Variants in RSRP1 observed in about 807,000 individuals in gnomAD.
RSRP1 encodes the protein arginine/serine-rich protein 1.
RSRP1 carries 37 observed loss-of-function variants against 33.0 expected under a neutral mutation model. The observed-to-expected ratio is 1.12, with a 90% confidence interval of 0.86 to 1.48. The LOEUF (loss-of-function observed/expected upper bound fraction) is 1.48. Among genes scored for constraint, RSRP1 ranks in the 40% most tolerant of loss-of-function variants. The probability of loss-of-function intolerance (pLI) is 0.00; values close to 1 mark genes in which losing one functional copy is unlikely to be tolerated. For missense variants in RSRP1, 402 were observed against 385.3 expected (o/e 1.04, Z -0.36); for synonymous variants, 167 against 158.7 (o/e 1.05, Z -0.40).
Position 25,330,516 on chromosome 1 carries a change from T to C in RSRP1, c.-67+7462A>G, listed in dbSNP as rs1489571666. The C allele has an allele frequency of 4.5e-5, 6 of 133,250 alleles. 2 individuals carry two copies. Among genetic ancestry groups the C allele is most frequent in the African/African-American group, 1.5e-4 (6 of 39,056 alleles). The allele number at this position is 133,250 out of a possible 1,614,324, so 8.3% of individuals were successfully genotyped here. ...CTGTGAATTAATTTTTCTAGGACTT[T>C]TAAACTATAAGCACTATTTGCACAA... is the stretch of plus-strand genomic sequence containing the variant. On this transcript the variant is annotated intron_variant, in intron 1 of 1. Transcript: ENST00000561867.
At chr1:25,294,308 A>G (rs1642752721) in intron 1 of RSRP1, 1 of 1,240,378 alleles carries the variant, frequency 8.1e-7, no homozygotes, top group South Asian at 1.2e-5. Flanking sequence ...GAACATAATC[A>G]GTAACAACTT....
At position 25,246,755 on chromosome 1, in the gene RSRP1, T is replaced by C. The variant is rs772335748; in HGVS notation, c.209A>G (p.His70Arg). Residue 70 changes from histidine to arginine, a missense_variant, in exon 2 of 5, where the codon CAC (histidine) becomes CGC (arginine). Physicochemically the swap from His to Arg is conservative, Grantham distance 29 (BLOSUM62 0). Transcript: ENST00000243189. ...SKSRSRSRRR[H>R]QRKYRRYSRS... ...CGAGTAGCGCCTGTACTTCCGCTGG[T>C]GGCGCCTTCGGGAACGGGACCTGGA... The C allele has an allele frequency of 1.9e-6, 3 of 1,608,928 alleles. No homozygotes were observed. In the African/African-American group the frequency reaches 4.0e-5, roughly 21 times the overall value.
upstream of RSRP1, among the ~76,000 whole-genome samples, chr1:25,250,177 C>T (rs1382063435): frequency 1.3e-5 from 2 of 152,162 alleles, no homozygotes; most frequent in South Asian, 2.1e-4. Context: ...AAAAAATAAA[C>T]AGTTCCAGGT....
intron 1 of RSRP1, among the ~76,000 whole-genome samples, chr1:25,291,221 C>A (rs1642476881): frequency 7.7e-6 from 1 of 130,496 alleles, no homozygotes; most frequent in Admixed American, 7.4e-5. Context: ...GTAATCCCAG[C>A]ACTTTGGGAG....
At chr1:25,291,450 C>G (rs1642500538) in intron 1 of RSRP1, among the ~76,000 whole-genome samples, 1 of 130,216 alleles carries the variant, frequency 7.7e-6, no homozygotes, top group African/African-American at 2.6e-5. Context: ...GCCTGGGGGA[C>G]AAGAGCAAGA....
Position 25,291,031 on chromosome 1 carries a change from C to G in RSRP1, c.-66-44002G>C, listed in dbSNP as rs142100726. 3.4e-4 allele frequency among the ~76,000 whole-genome samples: 44 copies of G among 128,996 alleles called. 5 individuals are homozygous for G. The highest frequency in any genetic ancestry group is 1.6e-3 in the East Asian group (8 of 5,098). 84.6% of individuals were successfully genotyped at this position (128,996 alleles called of 152,430 possible). The stretch of plus-strand genomic sequence containing the variant: ...AGTTGTGGTGGCATGCACCTGTAGT[C>G]TCAGTTACTCAGGAGGCTGAGGTGT... On this transcript the variant is annotated intron_variant, in intron 1 of 1. Transcript: ENST00000561867.
At chr1:25,301,656 C>A (rs1218335053) in intron 1 of RSRP1, 1 of 1,380,062 alleles carries the variant, frequency 7.2e-7, no homozygotes. Context: ...CAGGGTCATC[C>A]TTGGCTCACC....
chr1:25,318,708 A>G (rs530135021), intron 1 of RSRP1, among the ~76,000 whole-genome samples: 3 of 133,262 alleles, frequency 2.3e-5, no homozygotes, highest in African/African-American at 7.6e-5. Flanking sequence ...AATGCCAAAT[A>G]AGAGACAAAT....
At chr1:25,301,184 C>T (rs1643360474) in intron 1 of RSRP1, 1 of 1,158,908 alleles carries the variant, frequency 8.6e-7, no homozygotes, top group Admixed American at 1.8e-5. Flanking sequence ...CCTCCTTTAC[C>T]AAGTTCCCCT....
chr1:25,301,734 G>A (rs1393955115), intron 1 of RSRP1: 3 of 1,283,450 alleles, frequency 2.3e-6, no homozygotes, highest in Admixed American at 3.6e-5. Flanking sequence ...AACAGGACTA[G>A]CACACATATT....
rs2124142710 is a variant in RSRP1, at chr1:25,321,108, C to T, written c.-67+16870G>A. 1.5e-5 allele frequency among the ~76,000 whole-genome samples: 2 copies of T among 130,622 alleles called. 1 individual carries two copies. The highest frequency in any genetic ancestry group is 5.2e-5 in the African/African-American group (2 of 38,544). The allele number at this position is 130,622 out of a possible 152,430, so 85.7% of individuals were successfully genotyped here. On this transcript the variant is annotated intron_variant, in intron 1 of 1. Coordinates refer to the RSRP1 transcript ENST00000561867. ...GGAAAAGGAAGGACAGGCACTTAAG[C>T]AAGTTATAAGCTACTTTCCTAACTA...
rs371409993 is a variant in RSRP1 at position 25,275,549 on chromosome 1, G to A, written c.-66-28520C>T. On this transcript the variant is annotated intron_variant, in intron 1 of 1. Transcript: ENST00000561867. Reference sequence around the variant, plus strand: ...TTCAACATTCTGATGGTGTACACACGATTTTTTGAGCATGTACCATGGTTA... The same window carrying A: ...TTCAACATTCTGATGGTGTACACACAATTTTTTGAGCATGTACCATGGTTA... Among the ~76,000 whole-genome samples the A allele has an allele frequency of 1.3e-4, 17 of 131,720 alleles. 3 individuals carry two copies. Among genetic ancestry groups the A allele is most frequent in the African/African-American group, 3.9e-4 (15 of 38,668 alleles). 86.4% of individuals were successfully genotyped at this position (131,720 alleles called of 152,430 possible). A position where few individuals can be genotyped will look rare whatever the true frequency, so the allele number is the denominator to read the frequency against.
At chr1:25,242,784 C>T (rs528975356) in intron 4 of RSRP1, 79 bp from the exon 5 acceptor site, 171 of 991,290 alleles carry the variant, frequency 1.7e-4, no homozygotes, top group Admixed American at 3.6e-4. Flanking sequence ...ATTAAATAAT[C>T]CCATGTATGA....
upstream of RSRP1, chr1:25,247,977 C>A (rs902198289): frequency 1.3e-5 from 2 of 152,374 alleles, no homozygotes; most frequent in African/African-American, 4.8e-5. Context: ...CTGGCCTCTT[C>A]CTCCTGTCCT....
chr1:25,253,249 T>G (rs1323779352), intron 1 of RSRP1: 1 of 152,200 alleles, frequency 6.6e-6, no homozygotes, highest in Non-Finnish European at 1.5e-5. Context: ...CTAAACAAGT[T>G]GAAACTTATA....
intron 1 of RSRP1, among the ~76,000 whole-genome samples, chr1:25,264,421 T>C (rs1428865531): frequency 6.6e-6 from 1 of 151,106 alleles, no homozygotes; most frequent in Non-Finnish European, 1.5e-5. Context: ...ACATGGAAGC[T>C]GTCAAGGCTT....
Position 25,243,833 on chromosome 1 carries a change from A to G in RSRP1, c.673-200T>C, listed in dbSNP as rs186376351. 4,732 of 1,291,344 alleles carry G rather than the reference A, an allele frequency of 3.7e-3. 10 individuals are homozygous for G. Among genetic ancestry groups the G allele is most frequent in the Non-Finnish European group, 4.2e-3 (4,229 of 1,018,082 alleles). The allele number at this position is 1,291,344 out of a possible 1,614,324, so 80.0% of individuals were successfully genotyped here. On this transcript the variant is annotated intron_variant, in intron 3 of 4. Coordinates refer to ENST00000243189, the MANE Select transcript of RSRP1 (RefSeq NM_020317.5). ...ATATTAGGCTTAAGACACTCTTCCC[A>G]TAATTATTTTACTTCCCTGCTGGCA...
intron 1 of RSRP1, among the ~76,000 whole-genome samples, chr1:25,305,691 C>G (rs181147034): frequency 3.1e-5 from 4 of 128,906 alleles, no homozygotes; most frequent in African/African-American, 1.1e-4. Flanking sequence ...AGCTCCGCCT[C>G]CCGGGTTCAC....
chr1:25,242,775 T>C (rs1638957552), intron 4 of RSRP1, 70 bp from the exon 5 acceptor site: 1 of 1,082,372 alleles, frequency 9.2e-7, no homozygotes, highest in African/African-American at 1.6e-5. Context: ...AAAAAGTACA[T>C]TAAATAATCC....
Sources: allele counts gnomAD v4.1 joint callset (sites outside exome capture counted in the v4.1 genomes callset), GRCh38; gene constraint gnomAD v4.1.1; transcripts MANE v1.5; gene names NCBI Gene and HGNC (gene_info 2026-07-23, HGNC 2026-07-21).